The following SLC38A12 variants were observed in gnomAD, a reference collection of about 807,000 sequenced individuals.
SLC38A12 encodes the protein putative sodium-coupled neutral amino acid transporter 12.
the SLC38A12 span, among the ~76,000 whole-genome samples, chr17:74,830,936 T>G: frequency 6.6e-6 from 1 of 152,242 alleles, no homozygotes; most frequent in Non-Finnish European, 1.5e-5. Context: ...GCCAGCAGCC[T>G]TGGCAGGCGA....
At chr17:74,789,258 G>C in the SLC38A12 span, among the ~76,000 whole-genome samples, 1 of 152,118 alleles carries the variant, frequency 6.6e-6, no homozygotes, top group Non-Finnish European at 1.5e-5. Flanking sequence ...GGGCCGGTGG[G>C]GGGGCTCACA....
chr17:74,833,204 CAG>C, the SLC38A12 span, among the ~76,000 whole-genome samples: 1 of 152,206 alleles, frequency 6.6e-6, no homozygotes, highest in Admixed American at 6.5e-5. Context: ...TTAGGAGAGA[CAG>C]GGTTTCACCA....
At chr17:74,795,382 C>T in the SLC38A12 span, 1 of 725,394 alleles carries the variant, frequency 1.4e-6, no homozygotes, top group African/African-American at 1.8e-5. Flanking sequence ...AGGGTGCATC[C>T]TCAGAGATGC....
At chr17:74,796,001 T>C in the SLC38A12 span, among the ~76,000 whole-genome samples, 1 of 152,150 alleles carries the variant, frequency 6.6e-6, no homozygotes, top group Non-Finnish European at 1.5e-5. Flanking sequence ...TTGACCTTAC[T>C]CCTGGCCAGC....
At chr17:74,808,964 C>T in the SLC38A12 span, among the ~76,000 whole-genome samples, 1 of 152,214 alleles carries the variant, frequency 6.6e-6, no homozygotes, top group Admixed American at 6.5e-5. Flanking sequence ...CCTTCCCCCA[C>T]ATGCCTCCCA....
At chr17:74,788,084 G>A in the SLC38A12 span, among the ~76,000 whole-genome samples, 3 of 152,114 alleles carry the variant, frequency 2.0e-5, no homozygotes, top group African/African-American at 4.8e-5. Context: ...ATGAGCCACC[G>A]CCCCTGGCCT....
chr17:74,819,769 T>C, the SLC38A12 span: 9 of 1,614,124 alleles, frequency 5.6e-6, no homozygotes, highest in South Asian at 9.9e-5. Context: ...ACTCTCCTCC[T>C]CGGACCGTTC....
the SLC38A12 span, among the ~76,000 whole-genome samples, chr17:74,787,494 T>C: frequency 1.7e-4 from 26 of 151,604 alleles, no homozygotes; most frequent in South Asian, 1.3e-3. Context: ...CGGTGGCGGG[T>C]GCCTGTAGTC....
At chr17:74,790,050 C>T in the SLC38A12 span, 5 of 625,034 alleles carry the variant, frequency 8.0e-6, no homozygotes, top group East Asian at 1.4e-4. Context: ...ATCTCCTGGG[C>T]TCAGGTGATC....
At chr17:74,827,944 C>T in the SLC38A12 span, among the ~76,000 whole-genome samples, 1 of 152,232 alleles carries the variant, frequency 6.6e-6, no homozygotes, top group Non-Finnish European at 1.5e-5. This position sits in a 1 kb window ranked among gnomAD's most constrained non-coding sequence, Gnocchi z 4.7. Flanking sequence ...CCCTGCAGCC[C>T]GGCACCTTCC....
the SLC38A12 span, among the ~76,000 whole-genome samples, chr17:74,799,548 C>T: frequency 2.0e-5 from 3 of 152,316 alleles, no homozygotes; most frequent in East Asian, 1.9e-4. Context: ...AGAGAGTCTT[C>T]CCAAGCTCCC....
At chr17:74,836,492 C>T in the SLC38A12 span, 2 of 1,611,348 alleles carry the variant, frequency 1.2e-6, no homozygotes, top group Non-Finnish European at 8.5e-7. The surrounding 1 kb of genome is among the most constrained non-coding windows in gnomAD (Gnocchi z 4.2). Flanking sequence ...CGGGCACCGG[C>T]ATCCAGTACG....
chr17:74,832,924 CTAATCTAGG>C, the SLC38A12 span, among the ~76,000 whole-genome samples: 1 of 152,224 alleles, frequency 6.6e-6, no homozygotes. Flanking sequence ...AAATGGGTGA[CTAATCTAGG>C]TAATCTAGGT....
At chr17:74,837,584 G>A in the SLC38A12 span, 1 of 985,486 alleles carries the variant, frequency 1.0e-6, no homozygotes, top group Non-Finnish European at 1.2e-6. Context: ...CCCTGACAAT[G>A]GTCAGGCTGC....
At chr17:74,838,579 CCTGGAGG>C in the SLC38A12 span, 2 of 1,239,292 alleles carry the variant, frequency 1.6e-6, no homozygotes, top group Non-Finnish European at 2.0e-6. Context: ...TGTTCCCTGC[CCTGGAGG>C]GAACTGGCCA....
the SLC38A12 span, among the ~76,000 whole-genome samples, chr17:74,783,258 G>C: frequency 6.6e-6 from 1 of 152,256 alleles, no homozygotes; most frequent in Admixed American, 6.5e-5. Flanking sequence ...CTGTGTGCCA[G>C]ACACCCTGAG....
the SLC38A12 span, among the ~76,000 whole-genome samples, chr17:74,819,996 A>C: frequency 5.0e-3 from 754 of 152,286 alleles, 6 homozygotes; most frequent in African/African-American, 0.017. Flanking sequence ...ACCTTTCCAA[A>C]GGATAAGGAG....
At chr17:74,784,816 T>C in the SLC38A12 span, among the ~76,000 whole-genome samples, 1 of 152,136 alleles carries the variant, frequency 6.6e-6, no homozygotes, top group Admixed American at 6.5e-5. Flanking sequence ...GAGTGGCCGC[T>C]AATGGAAATG....
At chr17:74,789,864 A>T in the SLC38A12 span, among the ~76,000 whole-genome samples, 1 of 151,292 alleles carries the variant, frequency 6.6e-6, no homozygotes, top group African/African-American at 2.4e-5. Context: ...AAAAAAAAAA[A>T]AAAGGAAGCA....
Sources: allele counts gnomAD v4.1 joint callset (sites outside exome capture counted in the v4.1 genomes callset), GRCh38; gene constraint gnomAD v4.1.1; non-coding constraint Gnocchi (gnomAD v3.1); transcripts MANE v1.5; gene names NCBI Gene and HGNC (gene_info 2026-07-23, HGNC 2026-07-21).